The following BIVM variants were observed in gnomAD, a reference collection of about 807,000 sequenced individuals.
BIVM encodes the protein basic immunoglobulin-like variable motif-containing protein.
BIVM carries 31 observed loss-of-function variants against 61.4 expected under a neutral mutation model. The ratio of observed to expected loss-of-function variants is 0.51; its 90% confidence interval spans 0.38 to 0.68. BIVM has a LOEUF of 0.68. Ranked by LOEUF, BIVM falls within the 30% of genes least tolerant of loss-of-function variation. BIVM has a pLI of 0.00. For synonymous variants in BIVM, 189 were observed against 210.7 expected, an observed-to-expected ratio of 0.90 and a Z score of 0.89; for missense variants, 526 against 596.0, an observed-to-expected ratio of 0.88 and a Z score of 1.22.
chr13:102,818,563 C>G (rs1880031568), intron 4 of BIVM, among the ~76,000 whole-genome samples: 3 of 152,142 alleles, frequency 2.0e-5, no homozygotes. Flanking sequence ...TTTGTTTCAA[C>G]AACAAATCTG....
At chr13:102,827,863 T>C (rs997093530) in intron 7 of BIVM, among the ~76,000 whole-genome samples, 5 of 152,184 alleles carry the variant, frequency 3.3e-5, no homozygotes, top group African/African-American at 1.2e-4. Flanking sequence ...CAGACGTCTC[T>C]TCCGTTCTCT....
chr13:102,838,570 C>G, intron 9 of BIVM, 73 bp from the exon 10 acceptor site: 2 of 1,279,028 alleles, frequency 1.6e-6, no homozygotes, highest in Non-Finnish European at 1.1e-6. Context: ...GCAACTTGCT[C>G]ATGAAAAATT....
At chr13:102,820,039 T>TC (rs1880134969) in intron 4 of BIVM, among the ~76,000 whole-genome samples, 1 of 151,938 alleles carries the variant, frequency 6.6e-6, no homozygotes, top group Non-Finnish European at 1.5e-5. Flanking sequence ...TAACATTATC[T>TC]CCCCCCACAA....
intron 7 of BIVM, among the ~76,000 whole-genome samples, chr13:102,831,170 A>G (rs1881040861): frequency 6.6e-6 from 1 of 152,230 alleles, no homozygotes; most frequent in African/African-American, 2.4e-5. Context: ...TGGTATATGT[A>G]TATACTTTAT....
At chr13:102,837,430 CT>C (rs1464209586) in intron 9 of BIVM, among the ~76,000 whole-genome samples, 1 of 152,040 alleles carries the variant, frequency 6.6e-6, no homozygotes, top group Non-Finnish European at 1.5e-5. Context: ...CATTTTTTCT[CT>C]ATGTGTTCTA....
At position 102,807,457 on chromosome 13, in the gene BIVM, G is replaced by GA; in HGVS notation, c.196dup (p.Ile66AsnfsTer19). 3.1e-6 allele frequency: 5 copies of GA among 1,614,162 alleles called. No homozygotes were observed. The highest frequency in any genetic ancestry group is 4.2e-6 in the Non-Finnish European group (5 of 1,180,030). ...GAGTTGTCCAGTGACTCATACACGG[G>GA]AAAAAATTTATGCCATCTGTTCGGA... On this transcript the variant is annotated frameshift_variant, in exon 3 of 11. Coordinates refer to ENST00000257336, the MANE Select transcript of BIVM (RefSeq NM_017693.4). LOFTEE classifies it high-confidence loss of function. The surrounding 1 kb of genome is among the most constrained non-coding windows in gnomAD (Gnocchi z 4.0).
At chr13:102,804,477 A>G (rs995885578) in intron 1 of BIVM, among the ~76,000 whole-genome samples, 9 of 151,892 alleles carry the variant, frequency 5.9e-5, no homozygotes, top group African/African-American at 2.2e-4. Context: ...TGCCCAGCTA[A>G]TTTTTTTGTG....
At chr13:102,831,795 C>T (rs575176491) in intron 8 of BIVM, 98 bp downstream of exon 8, 42 of 1,357,720 alleles carry the variant, frequency 3.1e-5, no homozygotes, top group Admixed American at 2.4e-4. Context: ...TTTGGGAGGC[C>T]GAGGTGGGCG....
chr13:102,834,357 G>A (rs904227545), intron 8 of BIVM, 109 bp from the exon 9 acceptor site: 3 of 1,074,420 alleles, frequency 2.8e-6, no homozygotes, highest in Non-Finnish European at 3.9e-6. Context: ...CTTGATGAAT[G>A]AATGCCAGGT....
Position 102,828,469 on chromosome 13 carries a change from C to T in BIVM, c.902-3096C>T, listed in dbSNP as rs1880828534. Among the ~76,000 whole-genome samples the T allele has an allele frequency of 3.3e-5, 5 of 152,320 alleles. No individual in the cohort carries two copies. The South Asian group carries it at 1.0e-3, about 32-fold the overall frequency. Reference sequence around the variant, plus strand: ...TTCCTGTATAACTCACACATCGCTTCACCATGATTGTTGTTACCAGCTTAC... The same window carrying T: ...TTCCTGTATAACTCACACATCGCTTTACCATGATTGTTGTTACCAGCTTAC... On this transcript the variant is annotated intron_variant, in intron 7 of 10. Transcript: ENST00000257336.
chr13:102,818,317 T>C (rs995746182), intron 4 of BIVM, among the ~76,000 whole-genome samples: 21 of 152,214 alleles, frequency 1.4e-4, no homozygotes, highest in African/African-American at 5.1e-4. Context: ...TGTTTGCGTA[T>C]AATACATGTC....
chr13:102,820,839 T>C (rs1353367503), intron 4 of BIVM, 198 bp from the exon 5 acceptor site: 2 of 521,076 alleles, frequency 3.8e-6, no homozygotes, highest in Non-Finnish European at 6.6e-6. Context: ...CATACTTAGC[T>C]ATTTTTGTTA....
chr13:102,807,272 C>T lies in BIVM; in HGVS notation c.5C>T (p.Pro2Leu). 1 of 1,603,774 alleles carries T rather than the reference C, an allele frequency of 6.2e-7. No individual in the cohort carries two copies. Reference sequence around the variant, plus strand: ...GAAACTTTTACACTGCATTCAATGCCTAACGTTGCAGAAACAGAAAGGTCA... The same window carrying T: ...GAAACTTTTACACTGCATTCAATGCTTAACGTTGCAGAAACAGAAAGGTCA... Reference protein sequence around the residue: MPNVAETERSND... With the variant: MLNVAETERSND... The change falls in exon 3 of 11, where the codon CCT becomes CTT. Residue 2 changes from proline (P) to leucine (L), a missense_variant. Coordinates refer to ENST00000257336, the MANE Select transcript of BIVM (RefSeq NM_017693.4). This position sits in a 1 kb window ranked among gnomAD's most constrained non-coding sequence, Gnocchi z 4.0.
intron 4 of BIVM, among the ~76,000 whole-genome samples, chr13:102,819,998 A>G (rs1344164462): frequency 5.9e-5 from 9 of 152,164 alleles, no homozygotes; most frequent in African/African-American, 1.2e-4. Context: ...TTGAAGGCCA[A>G]CGAGTGTTGT....
chr13:102,804,558 G>T (rs920037379), intron 1 of BIVM, among the ~76,000 whole-genome samples: 2 of 152,132 alleles, frequency 1.3e-5, no homozygotes, highest in African/African-American at 4.8e-5. Context: ...TGATCCACCC[G>T]CCTCGGCCTC....
chr13:102,823,351 A>T (rs1443734657), intron 7 of BIVM, among the ~76,000 whole-genome samples: 2 of 152,234 alleles, frequency 1.3e-5, no homozygotes, highest in Non-Finnish European at 2.9e-5. Context: ...CTTTCTACAC[A>T]TACTAGTTTT....
chr13:102,831,189 G>C (rs1440167119), intron 7 of BIVM, among the ~76,000 whole-genome samples: 2 of 152,170 alleles, frequency 1.3e-5, no homozygotes, highest in Admixed American at 1.3e-4. Flanking sequence ...ATAAATGCAT[G>C]TGCTAACATT....
intron 5 of BIVM, among the ~76,000 whole-genome samples, 179 bp downstream of exon 5, chr13:102,821,311 G>C (rs1411608727): frequency 1.3e-5 from 2 of 152,078 alleles, no homozygotes; most frequent in Non-Finnish European, 2.9e-5. Context: ...AAATAAAAAT[G>C]GGCTGGGTAC....
rs1881077078 is a variant in BIVM, at chr13:102,831,653, A to G, written c.990A>G (p.Pro330=). The change falls in exon 8 of 11, where the codon CCA becomes CCG. Residue 330 remains proline (P), a synonymous_variant. Transcript: ENST00000257336. The part of the protein sequence containing the change: ...IYHCQNHYFC[P]IGFEATPVKA... ...ATTGCCAAAATCATTATTTTTGTCC[A>G]ATTGGCTTCGAAGCAACCCCTGTTA... The G allele has an allele frequency of 2.5e-6, 4 of 1,614,122 alleles. No individual in the cohort carries two copies. Among genetic ancestry groups the G allele is most frequent in the Non-Finnish European group, 3.4e-6 (4 of 1,180,028 alleles).
Sources: gnomAD v4.1 joint callset for allele counts (sites outside exome capture counted in the v4.1 genomes callset) on GRCh38, gnomAD v4.1.1 for gene constraint, Gnocchi (gnomAD v3.1) non-coding constraint, MANE v1.5 for transcripts, NCBI Gene and HGNC (gene_info 2026-07-23, HGNC 2026-07-21) for gene names.